TTLL11: variants seen among roughly 807,000 people sequenced by gnomAD.
The protein encoded by TTLL11 is tubulin polyglutamylase TTLL11.
TTLL11 carries 42 observed loss-of-function variants against 51.7 expected under a neutral mutation model. The ratio of observed to expected loss-of-function variants is 0.81; its 90% CI spans 0.64 to 1.05. TTLL11 has a LOEUF of 1.05. Ranked by LOEUF, TTLL11 falls within the 50% of genes least tolerant of loss-of-function variation. The probability of loss-of-function intolerance (pLI) is 0.00; values close to 1 mark genes in which losing one functional copy is unlikely to be tolerated. For missense variants in TTLL11, 799 were observed against 940.4 expected (o/e 0.85, Z 1.97); for synonymous variants, 381 against 383.5 (o/e 0.99, Z 0.08).
At chr9:122,014,952 G>T (rs780393052) in intron 3 of TTLL11, among the ~76,000 whole-genome samples, 1 of 152,178 alleles carries the variant, frequency 6.6e-6, no homozygotes, top group East Asian at 1.9e-4. Flanking sequence ...AGCAGGCCTC[G>T]GGAAACGATT....
chr9:121,888,690 A>G (rs1004858271), intron 6 of TTLL11, among the ~76,000 whole-genome samples: 6 of 152,226 alleles, frequency 3.9e-5, no homozygotes, highest in African/African-American at 9.6e-5. Context: ...TACCTCAACT[A>G]CGAGCAGGGG....
intron 1 of TTLL11, among the ~76,000 whole-genome samples, chr9:122,088,737 G>A (rs1157858401): frequency 6.6e-6 from 1 of 152,158 alleles, no homozygotes; most frequent in Non-Finnish European, 1.5e-5. Context: ...CAGGGGTGGT[G>A]GCTCACGCCT....
intron 8 of TTLL11, among the ~76,000 whole-genome samples, chr9:121,839,493 A>G (rs12352558): frequency 0.096 from 14,612 of 152,200 alleles, 2,106 homozygotes; most frequent in African/African-American, 0.31. Context: ...TGGGGGGCTC[A>G]GTGATAGAAA....
intron 3 of TTLL11, among the ~76,000 whole-genome samples, chr9:121,991,274 T>C (rs1391711861): frequency 3.9e-5 from 6 of 152,222 alleles, no homozygotes; most frequent in Non-Finnish European, 8.8e-5. Context: ...CTATCACTTA[T>C]TCTGGGCTTG....
In TTLL11 at chr9:121,820,260, C is replaced by T. The variant is rs534338953; in HGVS notation, c.*2327G>A. The stretch of plus-strand genomic sequence containing the variant: ...TGGTTGGTTTTAGACCTGAACATTG[C>T]GCTCCACTTTGGCAAGCGAGTACTT... On this transcript the variant is annotated 3_prime_UTR_variant, in exon 9 of 9. Transcript: ENST00000321582. Among the ~76,000 whole-genome samples the T allele has an allele frequency of 6.6e-5, 10 of 152,342 alleles. No individual in the cohort carries two copies. Among genetic ancestry groups the T allele is most frequent in the African/African-American group, 2.2e-4 (9 of 41,580 alleles).
At chr9:122,001,298 G>A (rs1033084228) in intron 3 of TTLL11, among the ~76,000 whole-genome samples, 5 of 152,126 alleles carry the variant, frequency 3.3e-5, no homozygotes, top group Middle Eastern at 3.2e-3. Flanking sequence ...GTTTCCCCAC[G>A]TTGGACAGGC....
At position 121,822,884 on chromosome 9, in the gene TTLL11, G is replaced by A. The variant is rs543092374; in HGVS notation, c.1841-5C>T. The A allele has an allele frequency of 1.7e-4, 270 of 1,546,292 alleles. 2 individuals carry two copies. The South Asian group carries it at 2.6e-3, about 15-fold the overall frequency. ...CGAAGGCCTGCAGACACATCCCTGT[G>A]AACAAAGAGACTGGATGAGGGGGTG... On this transcript the variant is annotated splice_polypyrimidine_tract_variant and splice_region_variant and intron_variant, in intron 8 of 8. Coordinates refer to ENST00000321582, the MANE Select transcript of TTLL11 (RefSeq NM_001139442.2). The surrounding 1 kb of genome is among the most constrained non-coding windows in gnomAD (Gnocchi z 5.8).
chr9:122,036,730 G>C (rs1169162127), intron 2 of TTLL11, among the ~76,000 whole-genome samples: 1 of 152,088 alleles, frequency 6.6e-6, no homozygotes, highest in Non-Finnish European at 1.5e-5. Flanking sequence ...ACAATGTATA[G>C]AAAGTGCATT....
At chr9:121,888,595 AATCAGTCCCC>A (rs1839103396) in intron 6 of TTLL11, among the ~76,000 whole-genome samples, 1 of 152,228 alleles carries the variant, frequency 6.6e-6, no homozygotes, top group East Asian at 1.9e-4. Flanking sequence ...GACTTGGCTG[AATCAGTCCCC>A]TTTGTAAAAC....
intron 8 of TTLL11, among the ~76,000 whole-genome samples, chr9:121,832,909 C>T (rs558336502): frequency 3.3e-5 from 5 of 152,200 alleles, no homozygotes; most frequent in Non-Finnish European, 5.9e-5. Context: ...CAGTGCACTC[C>T]AGCCTGGGCA....
chr9:121,860,261 C>CA, intron 8 of TTLL11, 76 bp downstream of exon 8: 1 of 1,156,638 alleles, frequency 8.6e-7, no homozygotes, highest in Non-Finnish European at 1.2e-6. Flanking sequence ...GAACCCTTGA[C>CA]AAGAAGGAAC....
intron 4 of TTLL11, among the ~76,000 whole-genome samples, chr9:121,983,322 G>C (rs1403331933): frequency 1.3e-5 from 2 of 152,166 alleles, no homozygotes; most frequent in Non-Finnish European, 2.9e-5. Context: ...GTGTTTGATG[G>C]CTATTAACTA....
At chr9:122,023,939 A>G (rs1424738938) in intron 3 of TTLL11, among the ~76,000 whole-genome samples, 1 of 152,106 alleles carries the variant, frequency 6.6e-6, no homozygotes, top group Non-Finnish European at 1.5e-5. Context: ...ACTTAACATT[A>G]TTTGGAGGTT....
Position 121,870,524 on chromosome 9 carries a change from C to A in TTLL11, c.1706G>T (p.Gly569Val). ...FLGIKGTMKL[G>V]PTGFRTFIRS... ...TATGAAGGTACGAAAGCCTGTTGGC[C>A]CCAACTTCATTGTCCCCTTGATGCC... The change falls in exon 7 of 9, where the codon GGG (glycine) becomes GTG (valine). Residue 569 changes from glycine (G) to valine (V), a missense_variant. Around this residue, in one of 3 missense-constraint regions of TTLL11, gnomAD observed 468 missense variants for 612.8 expected, o/e 0.76. Coordinates refer to ENST00000321582, the MANE Select transcript of TTLL11 (RefSeq NM_001139442.2). The A allele has an allele frequency of 6.4e-7, 1 of 1,551,552 alleles. No individual in the cohort carries two copies. The highest frequency in any genetic ancestry group is 8.7e-7 in the Non-Finnish European group (1 of 1,146,970).
chr9:121,938,569 C>A (rs1386167620), intron 6 of TTLL11, among the ~76,000 whole-genome samples: 1 of 151,978 alleles, frequency 6.6e-6, no homozygotes, highest in African/African-American at 2.4e-5. Context: ...GTAAATAGAG[C>A]ATTTCTACAA....
chr9:121,816,407 G>A lies in TTLL11; in HGVS notation c.*6180C>T, dbSNP rs530936656. The A allele has an allele frequency of 6.6e-6, 1 of 152,362 alleles. No individual in the cohort carries two copies. Among genetic ancestry groups the A allele is most frequent in the African/African-American group, 2.4e-5 (1 of 41,580 alleles). 9.4% of individuals were successfully genotyped at this position (152,362 alleles called of 1,614,324 possible). On this transcript the variant is annotated 3_prime_UTR_variant, in exon 9 of 9. Coordinates refer to ENST00000321582, the MANE Select transcript of TTLL11 (RefSeq NM_001139442.2). ...CCCGTGAGCCTCTTGGTGAGCACAA[G>A]ACACTACCGCAGGGCTGCAAAGAGC...
At chr9:121,863,139 G>A (rs529896126) in intron 7 of TTLL11, among the ~76,000 whole-genome samples, 6 of 152,218 alleles carry the variant, frequency 3.9e-5, no homozygotes, top group Admixed American at 2.6e-4. Flanking sequence ...CACGAGTCGC[G>A]GTGGCAGACT....
At chr9:122,004,866 G>T (rs946752059) in intron 3 of TTLL11, among the ~76,000 whole-genome samples, 5 of 152,198 alleles carry the variant, frequency 3.3e-5, no homozygotes, top group African/African-American at 9.7e-5. Context: ...TGTAATAAAA[G>T]CTCCACAAAG....
At chr9:121,965,587 T>A (rs555813809) in intron 6 of TTLL11, among the ~76,000 whole-genome samples, 1 of 152,262 alleles carries the variant, frequency 6.6e-6, no homozygotes, top group East Asian at 1.9e-4. Context: ...ACCTCAGGAA[T>A]CAATTGAGCC....
Sources: gnomAD v4.1 joint callset for allele counts (sites outside exome capture counted in the v4.1 genomes callset) on GRCh38, gnomAD v4.1.1 for gene constraint, gnomAD v4.1.1 regional missense constraint, Gnocchi (gnomAD v3.1) non-coding constraint, MANE v1.5 for transcripts, NCBI Gene and HGNC (gene_info 2026-07-23, HGNC 2026-07-21) for gene names.